The following MYADM variants were observed in gnomAD, a reference collection of about 807,000 sequenced individuals.
The protein encoded by MYADM is myeloid-associated differentiation marker.
For synonymous variants in MYADM, 224 were observed against 210.2 expected (o/e 1.07, Z -0.57); for missense variants, 416 against 443.4 (o/e 0.94, Z 0.56).
chr19:53,868,457 A>G lies in MYADM; in HGVS notation c.-88+514A>G, dbSNP rs1319502099. 3.9e-5 allele frequency among the ~76,000 whole-genome samples: 6 copies of G among 152,012 alleles called. No individual in the cohort carries two copies. The highest frequency in any genetic ancestry group is 1.4e-4 in the African/African-American group (6 of 41,386). On this transcript the variant is annotated intron_variant, in intron 1 of 2. Coordinates refer to ENST00000391770, the MANE Select transcript of MYADM (RefSeq NM_138373.5). This position sits in a 1 kb window ranked among gnomAD's most constrained non-coding sequence, Gnocchi z 6.3. ...TTGGGAATGAGAATGGAAGGAATTC[A>G]GAATTACTGACCCCTCCCCATCCAG... is the stretch of plus-strand genomic sequence containing the variant.
At position 53,874,760 on chromosome 19, in the gene MYADM, C is replaced by A; in HGVS notation, c.*262C>A. On this transcript the variant is annotated 3_prime_UTR_variant, in exon 3 of 3. Coordinates refer to ENST00000391770, the MANE Select transcript of MYADM (RefSeq NM_138373.5). ...CTGTTTTCACCCCTGAGCTGTTTCT[C>A]TTTTTCTTTTCTTTTTTTTTTTTTT... 1 of 313,678 alleles carries A rather than the reference C, an allele frequency of 3.2e-6. No individual in the cohort carries two copies. The highest frequency in any genetic ancestry group is 5.2e-5 in the East Asian group (1 of 19,316). The allele number at this position is 313,678 out of a possible 1,614,324, so 19.4% of individuals were successfully genotyped here. A position where few individuals can be genotyped will look rare whatever the true frequency, so the allele number is the denominator to read the frequency against.
At chr19:53,871,754 G>A (rs1413328145) in intron 2 of MYADM, among the ~76,000 whole-genome samples, 4 of 152,092 alleles carry the variant, frequency 2.6e-5, no homozygotes, top group African/African-American at 9.7e-5. Context: ...CTGGGGTGCA[G>A]AGCTCTGAAT....
At chr19:53,867,214 C>CT (rs1450369764), upstream of MYADM, among the ~76,000 whole-genome samples, 2 of 152,338 alleles carry the variant, frequency 1.3e-5, no homozygotes, top group Middle Eastern at 3.4e-3. Context: ...AATCTAGCCT[C>CT]TGTTTCTTGG....
rs1332673811 is a variant in MYADM at position 53,873,951 on chromosome 19, CCTT to C, written c.428_430del (p.Phe143del). 2.5e-6 allele frequency: 4 copies of C among 1,610,810 alleles called. No homozygotes were observed. Among genetic ancestry groups the C allele is most frequent in the Non-Finnish European group, 3.4e-6 (4 of 1,180,024 alleles). ...TCGCGGGACCACGCCATCGCCGCCA[CCTT>C]CTTCTCCTGCATCGCGTGTGTGGCT... is the stretch of plus-strand genomic sequence containing the variant. On this transcript the variant is annotated inframe_deletion, in exon 3 of 3. Coordinates refer to ENST00000391770, the MANE Select transcript of MYADM (RefSeq NM_138373.5). The surrounding 1 kb of genome is among the most constrained non-coding windows in gnomAD (Gnocchi z 4.3).
Position 53,868,558 on chromosome 19 carries a change from C to T in MYADM, c.-88+615C>T, listed in dbSNP as rs942619477. 2.0e-5 allele frequency among the ~76,000 whole-genome samples: 3 copies of T among 152,080 alleles called. No individual in the cohort carries two copies. The highest frequency in any genetic ancestry group is 7.2e-5 in the African/African-American group (3 of 41,408). The stretch of plus-strand genomic sequence containing the variant: ...GTGTTAAGATCCAGCCCCGTGCTTC[C>T]GAAGTGCAGAAGGAGCTGGGAAAGG... On this transcript the variant is annotated intron_variant, in intron 1 of 2. Coordinates refer to ENST00000391770, the MANE Select transcript of MYADM (RefSeq NM_138373.5). This position sits in a 1 kb window ranked among gnomAD's most constrained non-coding sequence, Gnocchi z 6.3.
upstream of MYADM, chr19:53,865,764 T>G (rs2068238395): frequency 6.6e-6 from 1 of 152,150 alleles, no homozygotes; most frequent in East Asian, 1.9e-4. Flanking sequence ...TCTGGGCCGT[T>G]TGGGGTACCT....
intron 2 of MYADM, among the ~76,000 whole-genome samples, chr19:53,872,945 G>A (rs1372779146): frequency 6.6e-6 from 1 of 152,214 alleles, no homozygotes; most frequent in Non-Finnish European, 1.5e-5. Context: ...GTTAGGTCTT[G>A]AAAGAGAGAA....
upstream of MYADM, among the ~76,000 whole-genome samples, chr19:53,867,192 C>T (rs996441926): frequency 9.9e-5 from 15 of 152,196 alleles, no homozygotes; most frequent in African/African-American, 3.6e-4. Flanking sequence ...CCTTCAAGTC[C>T]TTAAATACAG....
chr19:53,875,498 G>A lies in MYADM; in HGVS notation c.*1000G>A, dbSNP rs891830478. 3.0e-5 allele frequency: 5 copies of A among 165,718 alleles called. No homozygotes were observed. The highest frequency in any genetic ancestry group is 1.2e-4 in the African/African-American group (5 of 40,898). 10.3% of individuals were successfully genotyped at this position (165,718 alleles called of 1,614,324 possible). On this transcript the variant is annotated 3_prime_UTR_variant, in exon 3 of 3. Transcript: ENST00000391770. ...AGAGGCCATCTTAAAGGAAGCAGGG[G>A]CTGGATGCCTTTCATCCCAACTATT...
intron 2 of MYADM, among the ~76,000 whole-genome samples, chr19:53,871,650 C>G (rs549937544): frequency 6.6e-6 from 1 of 151,990 alleles, no homozygotes; most frequent in East Asian, 1.9e-4. Flanking sequence ...AGATGTGGGT[C>G]CCTGAGAGTG....
Position 53,874,468 on chromosome 19 carries a change from C to T in MYADM, c.939C>T (p.His313=). Residue 313 remains histidine, a synonymous_variant, in exon 3 of 3, where the codon CAC becomes CAT. Coordinates refer to ENST00000391770, the MANE Select transcript of MYADM (RefSeq NM_138373.5). ...NLLAYVADLV[H]SAHLVFVKV is the part of the protein sequence containing the mutation. ...TGGCGTATGTGGCTGACCTGGTGCA[C>T]TCTGCCCACCTGGTTTTTGTCAAGG... The T allele has an allele frequency of 6.2e-7, 1 of 1,610,688 alleles. No homozygotes were observed. Among genetic ancestry groups the T allele is most frequent in the Non-Finnish European group, 8.5e-7 (1 of 1,178,274 alleles).
intron 2 of MYADM, among the ~76,000 whole-genome samples, chr19:53,871,685 T>A (rs1260364948): frequency 6.6e-6 from 1 of 151,970 alleles, no homozygotes; most frequent in Non-Finnish European, 1.5e-5. Context: ...TTGGGCCGTT[T>A]AGAGGCTGCA....
In MYADM at chr19:53,874,176, T is replaced by C; in HGVS notation, c.647T>C (p.Leu216Pro). 3 of 1,613,980 alleles carry C rather than the reference T, an allele frequency of 1.9e-6. No individual in the cohort carries two copies. The highest frequency in any genetic ancestry group is 1.7e-6 in the Non-Finnish European group (2 of 1,179,986). ...CVAVYAICFI[L>P]AAIAILLNLG... The stretch of plus-strand genomic sequence containing the variant: ...GCGGTGTACGCCATCTGCTTCATCC[T>C]AGCGGCCATCGCCATCCTGCTGAAC... Residue 216 changes from leucine (L) to proline (P), a missense_variant, in exon 3 of 3, where the codon CTA becomes CCA. By Grantham distance (98) the Leu-to-Pro change is moderately conservative. Coordinates refer to ENST00000391770, the MANE Select transcript of MYADM (RefSeq NM_138373.5).
In MYADM at chr19:53,874,481, G is replaced by C. The variant is rs1312754710; in HGVS notation, c.952G>C (p.Val318Leu). 6.2e-7 allele frequency: 1 copy of C among 1,609,006 alleles called. No homozygotes were observed. The highest frequency in any genetic ancestry group is 2.2e-5 in the East Asian group (1 of 44,790). Residue 318 changes from valine to leucine, a missense_variant, in exon 3 of 3, where the codon GTT becomes CTT. Coordinates refer to ENST00000391770, the MANE Select transcript of MYADM (RefSeq NM_138373.5). ...TGACCTGGTGCACTCTGCCCACCTG[G>C]TTTTTGTCAAGGTCTAAGACTCTCC... ...VADLVHSAHL[V>L]FVKV
Position 53,874,600 on chromosome 19 carries a change from C to A in MYADM, c.*102C>A. On this transcript the variant is annotated 3_prime_UTR_variant, in exon 3 of 3. Transcript: ENST00000391770. ...TTTCCTCCGCCTTTCCTCTGTTTTC[C>A]TCTTCCTGTCTCCCCTCCCTCCCAC... 1 of 1,357,734 alleles carries A rather than the reference C, an allele frequency of 7.4e-7. No individual in the cohort carries two copies. Among genetic ancestry groups the A allele is most frequent in the South Asian group, 1.6e-5 (1 of 64,054 alleles). The allele number at this position is 1,357,734 out of a possible 1,614,324, so 84.1% of individuals were successfully genotyped here. A position where few individuals can be genotyped will look rare whatever the true frequency, so the allele number is the denominator to read the frequency against.
chr19:53,874,583 G>T lies in MYADM; in HGVS notation c.*85G>T, dbSNP rs986202718. On this transcript the variant is annotated 3_prime_UTR_variant, in exon 3 of 3. Coordinates refer to ENST00000391770, the MANE Select transcript of MYADM (RefSeq NM_138373.5). Reference sequence around the variant, plus strand: ...TCTTTATGGAGTACTTCTTTCCTCCGCCTTTCCTCTGTTTTCCTCTTCCTG... The same window carrying T: ...TCTTTATGGAGTACTTCTTTCCTCCTCCTTTCCTCTGTTTTCCTCTTCCTG... 1.4e-6 allele frequency: 2 copies of T among 1,447,514 alleles called. No individual in the cohort carries two copies. The highest frequency in any genetic ancestry group is 1.8e-6 in the Non-Finnish European group (2 of 1,086,280). The allele number at this position is 1,447,514 out of a possible 1,614,324, so 89.7% of individuals were successfully genotyped here.
rs67727940 is a variant in MYADM at position 53,874,771 on chromosome 19, CTTTTT to C, written c.*291_*295del. 1,920 of 171,930 alleles carry C rather than the reference CTTTTT, an allele frequency of 0.011. 41 individuals are homozygous for C. The highest frequency in any genetic ancestry group is 0.051 in the African/African-American group (1,794 of 34,978). The allele number at this position is 171,930 out of a possible 1,614,324, so 10.7% of individuals were successfully genotyped here. A position where few individuals can be genotyped will look rare whatever the true frequency, so the allele number is the denominator to read the frequency against. ...CCTGAGCTGTTTCTCTTTTTCTTTT[CTTTTT>C]TTTTTTTTTTTTTTTTTAAGACGGA... is the stretch of plus-strand genomic sequence containing the variant. On this transcript the variant is annotated 3_prime_UTR_variant, in exon 3 of 3. Coordinates refer to ENST00000391770, the MANE Select transcript of MYADM (RefSeq NM_138373.5).
rs1376428661 is a variant in MYADM, at chr19:53,868,505, T to C, written c.-88+562T>C. 2.0e-5 allele frequency among the ~76,000 whole-genome samples: 3 copies of C among 151,940 alleles called. No individual in the cohort carries two copies. Among genetic ancestry groups the C allele is most frequent in the African/African-American group, 7.3e-5 (3 of 41,366 alleles). On this transcript the variant is annotated intron_variant, in intron 1 of 2. Transcript: ENST00000391770. This position sits in a 1 kb window ranked among gnomAD's most constrained non-coding sequence, Gnocchi z 6.3. ...CAGGGGACAGACAGAATCGGAACTT[T>C]GGGCTCCTGAAAGGCCGAGGGAGGG...
At chr19:53,872,676 A>G (rs2068417056) in intron 2 of MYADM, 1 of 151,396 alleles carries the variant, frequency 6.6e-6, no homozygotes, top group South Asian at 2.1e-4. Flanking sequence ...CCAGCTAATT[A>G]AAAAATTTTT....
Sources: allele counts gnomAD v4.1 joint callset (sites outside exome capture counted in the v4.1 genomes callset), GRCh38; gene constraint gnomAD v4.1.1; non-coding constraint Gnocchi (gnomAD v3.1); transcripts MANE v1.5; gene names NCBI Gene and HGNC (gene_info 2026-07-23, HGNC 2026-07-21).